Variants in ZNF730 observed in about 807,000 individuals in gnomAD.
ZNF730 encodes zinc finger protein 730, also known as putative zinc finger protein 730.
ZNF730 carries 12 observed loss-of-function variants against 12.6 expected under a neutral mutation model. The ratio of observed to expected loss-of-function variants is 0.95; its 90% CI spans 0.61 to 1.54. The LOEUF is 1.54. Among genes scored for constraint, ZNF730 ranks in the 40% most tolerant of loss-of-function variants. The pLI, the probability that ZNF730 is intolerant of heterozygous loss-of-function variation, is 0.00. For missense variants in ZNF730, 643 were observed against 583.5 expected (o/e 1.10, Z -1.05); for synonymous variants, 194 against 195.8 (o/e 0.99, Z 0.08).
chr19:23,145,465 C>A lies in ZNF730; in HGVS notation c.421C>A (p.His141Asn). 1 of 1,570,126 alleles carries A rather than the reference C, an allele frequency of 6.4e-7. No individual in the cohort carries two copies. Among genetic ancestry groups the A allele is most frequent in the East Asian group, 2.3e-5 (1 of 42,582 alleles). ...NRHNQCLTTS[H>N]SKIFQCDKYV... ...ACATAACCAGTGTTTGACAACTTCC[C>A]ATAGCAAAATATTTCAGTGTGACAA... Residue 141 changes from histidine (H) to asparagine (N), a missense_variant, in exon 4 of 4, where the codon CAT becomes AAT. His to Asn is a moderately conservative substitution (Grantham distance 68, BLOSUM62 1). Transcript: ENST00000597761.
At chr19:23,117,226 A>C (rs1970541042) in intron 1 of ZNF730, 50 bp downstream of exon 1, 1 of 1,612,886 alleles carries the variant, frequency 6.2e-7, no homozygotes, top group Non-Finnish European at 8.5e-7. Flanking sequence ...GCTGGTTGGA[A>C]CCGGTGGGAA....
At chr19:23,129,828 CTA>C (rs933781653) in intron 1 of ZNF730, among the ~76,000 whole-genome samples, 2 of 151,724 alleles carry the variant, frequency 1.3e-5, no homozygotes, top group Non-Finnish European at 2.9e-5. Context: ...CCCATCTCTA[CTA>C]AAAATACAAA....
intron 1 of ZNF730, chr19:23,127,198 A>G (rs1599593139): frequency 1.7e-6 from 1 of 583,392 alleles, no homozygotes; most frequent in East Asian, 3.9e-5. Context: ...TACTCCGGAA[A>G]TAATTACTCC....
chr19:23,110,707 A>T (rs1456280395), intron 1 of ZNF730, among the ~76,000 whole-genome samples: 3 of 152,368 alleles, frequency 2.0e-5, no homozygotes, highest in African/African-American at 7.2e-5. Flanking sequence ...AAGTATGGGT[A>T]AAGTCGAGTA....
Position 23,146,250 on chromosome 19 carries a change from C to T in ZNF730, c.1206C>T (p.Gly402=), listed in dbSNP as rs1233885699. 1 of 1,613,328 alleles carries T rather than the reference C, an allele frequency of 6.2e-7. No individual in the cohort carries two copies. The highest frequency in any genetic ancestry group is 1.3e-5 in the African/African-American group (1 of 74,878). ...AATTTTACAAATGTGAAGAATGTGG[C>T]AAAGCCTTTAGCCGTATCTCACACC... ...VEKFYKCEEC[G]KAFSRISHLT... Residue 402 remains glycine, a synonymous_variant, in exon 4 of 4, where the codon GGC becomes GGT. Transcript: ENST00000597761.
chr19:23,075,880 C>G (rs1162805874), intron 1 of ZNF730, among the ~76,000 whole-genome samples: 1 of 151,984 alleles, frequency 6.6e-6, no homozygotes, highest in Non-Finnish European at 1.5e-5. Flanking sequence ...AGCCACCGCG[C>G]CTGGCCTAAT....
chr19:23,100,805 G>A (rs527918713), intron 1 of ZNF730, among the ~76,000 whole-genome samples: 5 of 151,792 alleles, frequency 3.3e-5, no homozygotes, highest in East Asian at 1.9e-4. Flanking sequence ...CCAGGCACCC[G>A]CCACCAAGCC....
At chr19:23,120,133 T>C (rs954174550) in intron 1 of ZNF730, among the ~76,000 whole-genome samples, 1 of 151,772 alleles carries the variant, frequency 6.6e-6, no homozygotes, top group Non-Finnish European at 1.5e-5. Context: ...TAGCCAGGAC[T>C]ACAGGCGGGT....
intron 1 of ZNF730, among the ~76,000 whole-genome samples, chr19:23,129,299 C>T (rs1039442471): frequency 7.2e-5 from 11 of 152,062 alleles, no homozygotes; most frequent in African/African-American, 2.4e-4. Context: ...ACCATGTGCC[C>T]GGAGAAGCCA....
At chr19:23,123,519 G>A (rs985643827) in intron 1 of ZNF730, 19 of 150,508 alleles carry the variant, frequency 1.3e-4, no homozygotes, top group African/African-American at 4.2e-4. Flanking sequence ...TCAGTGAGCC[G>A]AGATCGTGCC....
At chr19:23,139,853 G>T (rs1478114561) in intron 3 of ZNF730, among the ~76,000 whole-genome samples, 2 of 151,902 alleles carry the variant, frequency 1.3e-5, no homozygotes, top group East Asian at 1.9e-4. Context: ...CTACATCAAC[G>T]TTGCATACCA....
chr19:23,087,533 A>G (rs1970084123), intron 1 of ZNF730, among the ~76,000 whole-genome samples: 1 of 152,130 alleles, frequency 6.6e-6, no homozygotes, highest in Non-Finnish European at 1.5e-5. Flanking sequence ...TATTCTCGAT[A>G]TAAGATTATG....
chr19:23,087,476 C>T (rs188023524), intron 1 of ZNF730, among the ~76,000 whole-genome samples: 1 of 151,992 alleles, frequency 6.6e-6, no homozygotes, highest in Non-Finnish European at 1.5e-5. Context: ...GAGAGTTTGC[C>T]AAAGTTGTTT....
chr19:23,102,792 G>C (rs1318919986), intron 1 of ZNF730, among the ~76,000 whole-genome samples: 1 of 152,130 alleles, frequency 6.6e-6, no homozygotes, highest in African/African-American at 2.4e-5. Flanking sequence ...CACCGTGCCC[G>C]GCCACAAGTG....
Position 23,117,089 on chromosome 19 carries a change from T to A in ZNF730, c.-85T>A. On this transcript the variant is annotated 5_prime_UTR_variant, in exon 1 of 4. Transcript: ENST00000597761. Reference sequence around the variant, plus strand: ...CTGTCTGCTTTGTGTCCTCTGCACGTAGAAGCCCAGCCTGTGTGGCCCTGC... The same window carrying A: ...CTGTCTGCTTTGTGTCCTCTGCACGAAGAAGCCCAGCCTGTGTGGCCCTGC... 6.2e-7 allele frequency: 1 copy of A among 1,605,446 alleles called. No individual in the cohort carries two copies. The highest frequency in any genetic ancestry group is 2.2e-5 in the East Asian group (1 of 44,740).
At chr19:23,145,013 G>A (rs934052843) in intron 3 of ZNF730, among the ~76,000 whole-genome samples, 6 of 152,148 alleles carry the variant, frequency 3.9e-5, no homozygotes, top group Admixed American at 1.3e-4. Context: ...GCTGTGTTGG[G>A]TAAAATGTAA....
At chr19:23,096,202 G>A (rs188772721) in intron 1 of ZNF730, among the ~76,000 whole-genome samples, 2 of 152,206 alleles carry the variant, frequency 1.3e-5, no homozygotes, top group Admixed American at 6.5e-5. Flanking sequence ...TCAAGGTACC[G>A]TGACATTGCT....
At chr19:23,135,879 T>C (rs1048612685) in intron 2 of ZNF730, 69 bp from the exon 3 acceptor site, 31 of 1,380,264 alleles carry the variant, frequency 2.2e-5, no homozygotes, top group East Asian at 9.8e-5. Context: ...ACATTCTCTT[T>C]ACTGAGAGCA....
chr19:23,090,521 C>G (rs1212442067), intron 1 of ZNF730, among the ~76,000 whole-genome samples: 1 of 152,054 alleles, frequency 6.6e-6, no homozygotes, highest in East Asian at 1.9e-4. Flanking sequence ...AATTTGCAGC[C>G]TGATGATGCA....
Sources: allele counts gnomAD v4.1 joint callset (sites outside exome capture counted in the v4.1 genomes callset), GRCh38; gene constraint gnomAD v4.1.1; transcripts MANE v1.5; gene names NCBI Gene and HGNC (gene_info 2026-07-23, HGNC 2026-07-21).